TEX51: variants seen among roughly 807,000 people sequenced by gnomAD.
TEX51 encodes the protein testis expressed 51.
In TEX51, 14 loss-of-function variants were observed where a neutral mutation model predicts 8.0. The ratio of observed to expected loss-of-function variants is 1.76; its 90% CI spans 1.16 to 2.75. The LOEUF is 2.75. TEX51 is among the 30% of genes most tolerant of loss of function. The pLI, the probability that TEX51 is intolerant of heterozygous loss-of-function variation, is 0.00. For missense variants in TEX51, 142 were observed against 77.4 expected, an observed-to-expected ratio of 1.83 and a Z score of -3.13; for synonymous variants, 58 against 28.6, an observed-to-expected ratio of 2.03 and a Z score of -3.29.
chr2:126,899,256 C>T lies in TEX51; in HGVS notation c.185C>T (p.Thr62Ile), dbSNP rs1208444219. 2 of 702,192 alleles carry T rather than the reference C, an allele frequency of 2.8e-6. No individual in the cohort carries two copies. Among genetic ancestry groups the T allele is most frequent in the Non-Finnish European group, 5.2e-6 (2 of 384,818 alleles). The allele number at this position is 702,192 out of a possible 1,614,324, so 43.5% of individuals were successfully genotyped here. The change falls in exon 2 of 7, where the codon ACT becomes ATT. Residue 62 changes from threonine to isoleucine, a missense_variant. Transcript: ENST00000568484. ...HLEEETAKFF[T>I]QVHQAIKTLR... ...GAAGAAGAAACAGCCAAATTCTTCA[C>T]TCAAGTACACCAAGCCATTAAAACG...
Position 126,899,019 on chromosome 2 carries a change from A to G in TEX51, c.101A>G (p.Gln34Arg). The G allele has an allele frequency of 1.4e-6, 1 of 702,348 alleles. No homozygotes were observed. Among genetic ancestry groups the G allele is most frequent in the Non-Finnish European group, 2.6e-6 (1 of 384,824 alleles). 43.5% of individuals were successfully genotyped at this position (702,348 alleles called of 1,614,324 possible). Residue 34 changes from glutamine to arginine, a missense_variant, in exon 1 of 7, where the codon CAG becomes CGG. Gln to Arg is a conservative substitution (Grantham distance 43). Transcript: ENST00000568484. ...TCTGCCTTGATAGACTATGACCTGC[A>G]GATCCTCTGGGTGACCCCAGGGCCA... ...ELSALIDYDL[Q>R]ILWVTPGPPT...
chr2:126,901,395 G>A lies in TEX51; in HGVS notation c.494G>A (p.Arg165Lys), dbSNP rs1022938847. 7.1e-6 allele frequency: 5 copies of A among 702,338 alleles called. No homozygotes were observed. Among genetic ancestry groups the A allele is most frequent in the Non-Finnish European group, 1.0e-5 (4 of 384,816 alleles). 43.5% of individuals were successfully genotyped at this position (702,338 alleles called of 1,614,324 possible). Residue 165 changes from arginine (R) to lysine (K), a missense_variant, in exon 6 of 7, where the codon AGG becomes AAG. Transcript: ENST00000568484. ...TCTTTTACTGGCAAAGGAAGAAGGA[G>A]GCAGTAAAGGTACTGGGAAAGGAGA... ...DVSFTGKGRR[R>K]Q
chr2:126,899,737 G>A, intron 3 of TEX51, 125 bp downstream of exon 3: 2 of 699,716 alleles, frequency 2.9e-6, no homozygotes, highest in East Asian at 2.7e-5. Flanking sequence ...CTCCATGAAT[G>A]CCTTCCCGGC....
Position 126,901,532 on chromosome 2 carries a change from G to A in TEX51, c.*2+128G>A, listed in dbSNP as rs895994782. ...GGGGTCTGGCGTGCAGAACAGAGTG[G>A]GATCGAGGGCCAGGACTCTCAGGAG... On this transcript the variant is annotated intron_variant, in intron 6 of 6. Transcript: ENST00000568484. 3 of 632,742 alleles carry A rather than the reference G, an allele frequency of 4.7e-6. No homozygotes were observed. The South Asian group carries it at 5.5e-5, about 12-fold the overall frequency. The allele number at this position is 632,742 out of a possible 1,614,324, so 39.2% of individuals were successfully genotyped here. A position where few individuals can be genotyped will look rare whatever the true frequency, so the allele number is the denominator to read the frequency against.
intron 4 of TEX51, 53 bp downstream of exon 4, chr2:126,900,072 G>T: frequency 1.4e-6 from 1 of 698,994 alleles, no homozygotes; most frequent in South Asian, 1.5e-5. Flanking sequence ...TGCATTTCTG[G>T]AGCCATTGCT....
chr2:126,901,249 G>T lies in TEX51; in HGVS notation c.434G>T (p.Ser145Ile). 1 of 693,762 alleles carries T rather than the reference G, an allele frequency of 1.4e-6. No homozygotes were observed. The highest frequency in any genetic ancestry group is 2.6e-6 in the Non-Finnish European group (1 of 379,228). 43.0% of individuals were successfully genotyped at this position (693,762 alleles called of 1,614,324 possible). ...RRTSLWAVSL[S>I]SALLLAIAGD... Reference sequence around the variant, plus strand: ...ACCTCCCTGTGGGCTGTGAGTCTCAGCAGTGCTCTACTCCTGGCCATAGCT... The same window carrying T: ...ACCTCCCTGTGGGCTGTGAGTCTCATCAGTGCTCTACTCCTGGCCATAGCT... Residue 145 changes from serine to isoleucine, a missense_variant, in exon 5 of 7, where the codon AGC becomes ATC. By Grantham distance (142) the Ser-to-Ile change is moderately radical. Coordinates refer to ENST00000568484, the MANE Select transcript of TEX51 (RefSeq NM_001322244.2).
chr2:126,901,819 C>A (rs1680347596), intron 6 of TEX51, 53 bp from the exon 7 acceptor site: 1 of 578,224 alleles, frequency 1.7e-6, no homozygotes. Flanking sequence ...AGGGAGGAGG[C>A]CAGAGTAGTG....
intron 3 of TEX51, 57 bp from the exon 4 acceptor site, chr2:126,899,879 G>A: frequency 1.4e-6 from 1 of 702,220 alleles, no homozygotes; most frequent in Non-Finnish European, 2.6e-6. Context: ...GACTGGGCCT[G>A]GGGGAGGGAT....
chr2:126,901,645 C>T (rs1680337574), intron 6 of TEX51: 1 of 598,866 alleles, frequency 1.7e-6, no homozygotes, highest in Middle Eastern at 4.3e-4. Context: ...CTCCCATCCT[C>T]ACTACAGAGT....
chr2:126,899,716 GC>G, intron 3 of TEX51, 104 bp downstream of exon 3: 1 of 696,904 alleles, frequency 1.4e-6, no homozygotes, highest in South Asian at 1.5e-5. Context: ...ATCCCCAGGA[GC>G]CCCACCCCTC....
At chr2:126,900,855 G>A (rs377599861) in intron 4 of TEX51, among the ~76,000 whole-genome samples, 3 of 152,138 alleles carry the variant, frequency 2.0e-5, no homozygotes, top group African/African-American at 7.2e-5. Context: ...ATCCTTGAGC[G>A]TGTCCTGTGC....
Position 126,899,938 on chromosome 2 carries a change from A to G in TEX51, c.313A>G (p.Ile105Val), listed in dbSNP as rs1353550592. Residue 105 changes from isoleucine (I) to valine (V), a missense_variant and splice_region_variant, in exon 4 of 7, where the codon ATA (isoleucine) becomes GTA (valine). By Grantham distance (29) the Ile-to-Val change is conservative. Transcript: ENST00000568484. Reference protein sequence around the residue: ...KISDGLKEKDIQSTLKVTSCA... With the variant: ...KISDGLKEKDVQSTLKVTSCA... ...CCCCTGTCCCTCCCCTCCCATAGAC[A>G]TACAGTCCACACTGAAGGTCACCAG... 1.4e-6 allele frequency: 1 copy of G among 701,894 alleles called. No homozygotes were observed. The highest frequency in any genetic ancestry group is 2.6e-6 in the Non-Finnish European group (1 of 384,740). 43.5% of individuals were successfully genotyped at this position (701,894 alleles called of 1,614,324 possible). A position where few individuals can be genotyped will look rare whatever the true frequency, so the allele number is the denominator to read the frequency against.
At position 126,902,047 on chromosome 2, in the gene TEX51, T is replaced by G. The variant is rs1360804892; in HGVS notation, c.*178T>G. 2.1e-6 allele frequency: 1 copy of G among 486,150 alleles called. No homozygotes were observed. Among genetic ancestry groups the G allele is most frequent in the Non-Finnish European group, 3.6e-6 (1 of 275,164 alleles). The allele number at this position is 486,150 out of a possible 1,614,324, so 30.1% of individuals were successfully genotyped here. A position where few individuals can be genotyped will look rare whatever the true frequency, so the allele number is the denominator to read the frequency against. ...CTGCGCTGTCTCGTGGTTTGCCTAC[T>G]CCTACACCTTTGTAAAGAGTCTCTT... On this transcript the variant is annotated 3_prime_UTR_variant, in exon 7 of 7. Transcript: ENST00000568484.
At chr2:126,900,242 G>T (rs1680254950) in intron 4 of TEX51, among the ~76,000 whole-genome samples, 2 of 151,950 alleles carry the variant, frequency 1.3e-5, no homozygotes, top group South Asian at 2.1e-4. Context: ...GAGGCCTCTT[G>T]GTTCTCAGAG....
intron 4 of TEX51, among the ~76,000 whole-genome samples, 166 bp from the exon 5 acceptor site, chr2:126,901,044 T>C (rs1178383914): frequency 1.3e-5 from 2 of 152,206 alleles, no homozygotes; most frequent in Non-Finnish European, 2.9e-5. Flanking sequence ...CACACCATGA[T>C]TGTTTGCTTG....
chr2:126,901,609 G>A, intron 6 of TEX51: 1 of 599,684 alleles, frequency 1.7e-6, no homozygotes, highest in Admixed American at 3.0e-5. Flanking sequence ...AGGGGCCCAG[G>A]ACACAGAAAT....
At position 126,901,926 on chromosome 2, in the gene TEX51, G is replaced by A. The variant is rs556513685; in HGVS notation, c.*57G>A. 79 of 670,804 alleles carry A rather than the reference G, an allele frequency of 1.2e-4. No individual in the cohort carries two copies. The highest frequency in any genetic ancestry group is 2.0e-4 in the East Asian group (7 of 34,524). 41.6% of individuals were successfully genotyped at this position (670,804 alleles called of 1,614,324 possible). A position where few individuals can be genotyped will look rare whatever the true frequency, so the allele number is the denominator to read the frequency against. On this transcript the variant is annotated 3_prime_UTR_variant, in exon 7 of 7. Coordinates refer to ENST00000568484, the MANE Select transcript of TEX51 (RefSeq NM_001322244.2). ...GTGAACAGAGGCCGCAGCTACCACCGTCACAAAGTTCACTCATCTCTGGGT... is the reference window on the plus strand; with the variant it reads ...GTGAACAGAGGCCGCAGCTACCACCATCACAAAGTTCACTCATCTCTGGGT...
Position 126,898,955 on chromosome 2 carries a change from A to T in TEX51, c.37A>T (p.Ile13Phe). ...PLLIICLLPAIEGKNCLRCWP... is the reference protein window; with the variant it reads ...PLLIICLLPAFEGKNCLRCWP... ...CCTGATCATCTGTCTCCTGCCTGCC[A>T]TTGAAGGGAAGAACTGCCTCCGCTG... The change falls in exon 1 of 7, where the codon ATT (isoleucine) becomes TTT (phenylalanine). Residue 13 changes from isoleucine to phenylalanine, a missense_variant. Ile to Phe is a conservative substitution (Grantham distance 21). Coordinates refer to ENST00000568484, the MANE Select transcript of TEX51 (RefSeq NM_001322244.2). 1.4e-6 allele frequency: 1 copy of T among 701,282 alleles called. No homozygotes were observed. Among genetic ancestry groups the T allele is most frequent in the Non-Finnish European group, 2.6e-6 (1 of 384,794 alleles). The allele number at this position is 701,282 out of a possible 1,614,324, so 43.4% of individuals were successfully genotyped here.
In TEX51 at chr2:126,901,924, C is replaced by T; in HGVS notation, c.*55C>T. On this transcript the variant is annotated 3_prime_UTR_variant, in exon 7 of 7. Coordinates refer to ENST00000568484, the MANE Select transcript of TEX51 (RefSeq NM_001322244.2). The stretch of plus-strand genomic sequence containing the variant: ...AAGTGAACAGAGGCCGCAGCTACCA[C>T]CGTCACAAAGTTCACTCATCTCTGG... The T allele has an allele frequency of 1.5e-6, 1 of 673,008 alleles. No homozygotes were observed. Among genetic ancestry groups the T allele is most frequent in the Non-Finnish European group, 2.7e-6 (1 of 370,122 alleles). 41.7% of individuals were successfully genotyped at this position (673,008 alleles called of 1,614,324 possible). A position where few individuals can be genotyped will look rare whatever the true frequency, so the allele number is the denominator to read the frequency against.
Sources: allele counts gnomAD v4.1 joint callset (sites outside exome capture counted in the v4.1 genomes callset), GRCh38; gene constraint gnomAD v4.1.1; transcripts MANE v1.5; gene names NCBI Gene and HGNC (gene_info 2026-07-23, HGNC 2026-07-21).